Variants in PC observed in about 807,000 individuals in gnomAD.
The protein encoded by PC is pyruvate carboxylase, mitochondrial.
A neutral mutation model predicts 107.8 loss-of-function variants in PC; 46 were observed. The observed-to-expected ratio is 0.43, with a 90% CI of 0.34 to 0.55. PC has a LOEUF of 0.55. Among genes scored for constraint, PC ranks in the 20% least tolerant of loss-of-function variants. PC has a pLI of 0.04. For missense variants in PC, 1,241 were observed against 1,643.1 expected (o/e 0.76, Z 4.23); for synonymous variants, 662 against 684.7 (o/e 0.97, Z 0.52).
chr11:66,924,369 C>CAAAAAAAAAAAAAAAAAAAAA (rs71045970), intron 3 of PC, among the ~76,000 whole-genome samples: 17 of 65,562 alleles, frequency 2.6e-4, no homozygotes, highest in Admixed American at 3.7e-4. Flanking sequence ...CCATCTCTAC[C>CAAAAAAAAAAAAAAAAAAAAA]AAAAAAAAAA....
Position 66,858,090 on chromosome 11 carries a change from C to T in PC, c.1369-4707G>A. The T allele has an allele frequency of 1.9e-6, 3 of 1,609,590 alleles. No homozygotes were observed. Among genetic ancestry groups the T allele is most frequent in the Non-Finnish European group, 2.5e-6 (3 of 1,178,264 alleles). On this transcript the variant is annotated intron_variant, in intron 12 of 22. Coordinates refer to ENST00000393960, the MANE Select transcript of PC (RefSeq NM_001040716.2). The surrounding 1 kb of genome is among the most constrained non-coding windows in gnomAD (Gnocchi z 5.9). ...GCTGGTGGAGCTGGGCACCGGGAGC[C>T]TCCGGGGCCCCGTCAATCTGCAGCA...
At position 66,849,040 on chromosome 11, in the gene PC, G is replaced by C. The variant is rs553914941; in HGVS notation, c.3396C>G (p.Ala1132=). The C allele has an allele frequency of 1.9e-5, 31 of 1,614,050 alleles. 1 individual carries two copies. In the South Asian group the frequency reaches 3.1e-4, roughly 16 times the overall value. ...DIKVVAGAKV[A]KGQPLCVLSA... ...TGAGCACACACAGGGGCTGGCCCTT[G>C]GCCACCTTGGCCCCTGCCACCACTT... is the stretch of plus-strand genomic sequence containing the variant. The change falls in exon 23 of 23, where the codon GCC becomes GCG. Residue 1132 remains alanine (A), a synonymous_variant. Coordinates refer to ENST00000393960, the MANE Select transcript of PC (RefSeq NM_001040716.2).
intron 1 of PC, among the ~76,000 whole-genome samples, chr11:66,955,597 C>T (rs973803239): frequency 1.3e-5 from 2 of 152,112 alleles, no homozygotes; most frequent in African/African-American, 2.4e-5. Flanking sequence ...AAAGCAGATA[C>T]TGAGCAACTG....
intron 3 of PC, among the ~76,000 whole-genome samples, chr11:66,925,255 A>G (rs959675519): frequency 6.6e-6 from 1 of 152,200 alleles, no homozygotes; most frequent in African/African-American, 2.4e-5. Context: ...AAAATTTATT[A>G]GGCGGGAATT....
chr11:66,897,569 T>C (rs1268837548), intron 3 of PC, among the ~76,000 whole-genome samples: 1 of 152,048 alleles, frequency 6.6e-6, no homozygotes, highest in Non-Finnish European at 1.5e-5. Context: ...GAGACCTGCC[T>C]ACAAAAAATA....
chr11:66,948,441 C>T (rs1270823303), intron 3 of PC, among the ~76,000 whole-genome samples: 1 of 152,168 alleles, frequency 6.6e-6, no homozygotes, highest in Admixed American at 6.6e-5. Context: ...AATGTGTTCA[C>T]TCTCTGGACT....
intron 3 of PC, among the ~76,000 whole-genome samples, chr11:66,901,155 G>C (rs1947942711): frequency 6.6e-6 from 1 of 152,112 alleles, no homozygotes; most frequent in South Asian, 2.1e-4. Context: ...TTGCCTTTTG[G>C]GGAAAGGCTA....
intron 3 of PC, among the ~76,000 whole-genome samples, chr11:66,948,947 A>G (rs1283565644): frequency 6.6e-6 from 1 of 151,998 alleles, no homozygotes; most frequent in Non-Finnish European, 1.5e-5. Context: ...TAGGTATTAG[A>G]GGGTTTTTTT....
At chr11:66,920,508 C>A (rs183777836) in intron 3 of PC, among the ~76,000 whole-genome samples, 49 of 152,084 alleles carry the variant, frequency 3.2e-4, no homozygotes, top group African/African-American at 1.1e-3. Flanking sequence ...AAGTGGCAGC[C>A]CCGGGAAGGC....
In PC at chr11:66,870,731, C is replaced by T. The variant is rs533186957; in HGVS notation, c.751+44G>A. 2 of 1,553,504 alleles carry T rather than the reference C, an allele frequency of 1.3e-6. No individual in the cohort carries two copies. The highest frequency in any genetic ancestry group is 2.7e-5 in the African/African-American group (2 of 74,050). On this transcript the variant is annotated intron_variant, in intron 8 of 22. Transcript: ENST00000393960. The surrounding 1 kb of genome is among the most constrained non-coding windows in gnomAD (Gnocchi z 6.1). ...ACGGCACCAGGACTGGGCCTCTCAG[C>T]TCCCGCCTCCAGCTGCCCCAGGCGG...
chr11:66,921,403 C>G (rs1218695982), intron 3 of PC, among the ~76,000 whole-genome samples: 1 of 152,108 alleles, frequency 6.6e-6, no homozygotes, highest in Non-Finnish European at 1.5e-5. Context: ...AGCAAAGAAC[C>G]CTGCTTCCTC....
intron 3 of PC, among the ~76,000 whole-genome samples, chr11:66,930,669 G>A (rs1471690203): frequency 6.6e-6 from 1 of 151,402 alleles, no homozygotes; most frequent in Non-Finnish European, 1.5e-5. Context: ...TTGAACTCGG[G>A]AGTCAGAGGT....
chr11:66,884,029 A>C (rs1947274532), intron 3 of PC, among the ~76,000 whole-genome samples: 1 of 152,068 alleles, frequency 6.6e-6, no homozygotes, highest in Non-Finnish European at 1.5e-5. Flanking sequence ...TGGATCACCT[A>C]AGGTTGGGAG....
At chr11:66,944,056 C>A (rs11606395) in intron 3 of PC, among the ~76,000 whole-genome samples, 1 of 106,710 alleles carries the variant, frequency 9.4e-6, no homozygotes, top group Non-Finnish European at 2.0e-5. Context: ...CCGAGGCGGG[C>A]GGAACACAAG....
intron 12 of PC, chr11:66,860,302 C>T (rs746595115): frequency 1.0e-5 from 15 of 1,442,852 alleles, no homozygotes; most frequent in Non-Finnish European, 1.2e-5. Flanking sequence ...TTCTCAGTAC[C>T]TCAGGCTCCC....
At chr11:66,854,562 G>A (rs372487720) in intron 12 of PC, among the ~76,000 whole-genome samples, 4 of 152,270 alleles carry the variant, frequency 2.6e-5, no homozygotes, top group African/African-American at 7.2e-5. Flanking sequence ...GGGGACATGC[G>A]AGCCAGCACT....
chr11:66,851,318 C>T, intron 16 of PC, 38 bp from the exon 17 acceptor site: 1 of 1,599,268 alleles, frequency 6.3e-7, no homozygotes, highest in Admixed American at 1.7e-5. Context: ...AGCCCCACCC[C>T]ACCTCCCTCT....
chr11:66,852,075 G>A lies in PC; in HGVS notation c.1826-129C>T, dbSNP rs1400426561. On this transcript the variant is annotated intron_variant, in intron 15 of 22. Transcript: ENST00000393960. The surrounding 1 kb of genome is among the most constrained non-coding windows in gnomAD (Gnocchi z 4.7). ...TCCTGCTCATCTTCGCCATACCTGT[G>A]TTCCCTGCTCCAACCCCCACAGATT... The A allele has an allele frequency of 1.0e-6, 1 of 953,494 alleles. No individual in the cohort carries two copies. The highest frequency in any genetic ancestry group is 2.6e-5 in the East Asian group (1 of 38,132). 59.1% of individuals were successfully genotyped at this position (953,494 alleles called of 1,614,324 possible).
At position 66,863,855 on chromosome 11, in the gene PC, G is replaced by A. The variant is rs1946379188; in HGVS notation, c.1287C>T (p.Val429=). 1 of 1,614,076 alleles carries A rather than the reference G, an allele frequency of 6.2e-7. No individual in the cohort carries two copies. The highest frequency in any genetic ancestry group is 1.1e-5 in the South Asian group (1 of 91,078). Residue 429 remains valine (V), a synonymous_variant, in exon 12 of 23, where the codon GTC becomes GTT. Transcript: ENST00000393960. ...SPHYDSLLVK[V]IAHGKDHPTA... Reference sequence around the variant, plus strand: ...TGGGGTGGTCTTTGCCGTGGGCAATGACTTTGACCAGCAGGGAGTCGTAGT... The same window carrying A: ...TGGGGTGGTCTTTGCCGTGGGCAATAACTTTGACCAGCAGGGAGTCGTAGT...
Sources: gnomAD v4.1 joint callset for allele counts (sites outside exome capture counted in the v4.1 genomes callset) on GRCh38, gnomAD v4.1.1 for gene constraint, Gnocchi (gnomAD v3.1) non-coding constraint, MANE v1.5 for transcripts, NCBI Gene and HGNC (gene_info 2026-07-23, HGNC 2026-07-21) for gene names.